Variants in GRIA2 observed in about 807,000 individuals in gnomAD.
GRIA2 encodes glutamate receptor 2.
A neutral mutation model predicts 97.3 loss-of-function variants in GRIA2; 14 were observed. The ratio of observed to expected loss-of-function variants is 0.14; its 90% confidence interval spans 0.10 to 0.23. The LOEUF (loss-of-function observed/expected upper bound fraction) is 0.23. GRIA2 is among the 10% of genes least tolerant of loss of function. The pLI, the probability that GRIA2 is intolerant of heterozygous loss-of-function variation, is 1.00. For synonymous variants in GRIA2, 412 were observed against 387.8 expected (o/e 1.06, Z -0.73); for missense variants, 558 against 1,069.8 (o/e 0.52, Z 6.67).
chr4:157,304,866 T>C (rs1579348132), intron 3 of GRIA2, among the ~76,000 whole-genome samples: 1 of 152,130 alleles, frequency 6.6e-6, no homozygotes. Context: ...GAGTCAGGAG[T>C]GCAGGAGCTA....
intron 2 of GRIA2, among the ~76,000 whole-genome samples, chr4:157,266,397 A>T (rs527768544): frequency 5.3e-5 from 8 of 152,246 alleles, no homozygotes; most frequent in African/African-American, 1.9e-4. Flanking sequence ...GTGAAAATCA[A>T]AGGTAACTGA....
At chr4:157,222,927 C>T (rs1729571712) in intron 2 of GRIA2, among the ~76,000 whole-genome samples, 1 of 152,210 alleles carries the variant, frequency 6.6e-6, no homozygotes, top group African/African-American at 2.4e-5. Context: ...TGCCCTCTTC[C>T]CAGCAGCTGC....
At chr4:157,226,340 AT>A (rs1173894850) in intron 2 of GRIA2, among the ~76,000 whole-genome samples, 2 of 152,118 alleles carry the variant, frequency 1.3e-5, no homozygotes, top group African/African-American at 2.4e-5. Flanking sequence ...ATTGAAAAAA[AT>A]AAATGACATC....
Position 157,256,443 on chromosome 4 carries a change from C to G in GRIA2, c.229+34636C>G, listed in dbSNP as rs1384754139. The stretch of plus-strand genomic sequence containing the variant: ...AGATTCCAATCTTATCCTTACCACA[C>G]ACATAACTTGAATAAGCTCATTAAA... On this transcript the variant is annotated intron_variant, in intron 2 of 15. Coordinates refer to ENST00000264426, the MANE Select transcript of GRIA2 (RefSeq NM_001083619.3). Among the ~76,000 whole-genome samples, 3 of 150,522 alleles carry G rather than the reference C, an allele frequency of 2.0e-5. No individual in the cohort carries two copies. The Admixed American group carries it at 2.0e-4, about 10-fold the overall frequency.
intron 11 of GRIA2, among the ~76,000 whole-genome samples, chr4:157,339,251 T>TA (rs902411771): frequency 1.3e-5 from 2 of 151,982 alleles, no homozygotes; most frequent in Admixed American, 6.6e-5. Context: ...ATATATCATT[T>TA]AAAAAATGAT....
At chr4:157,266,420 A>C (rs1033968593) in intron 2 of GRIA2, among the ~76,000 whole-genome samples, 2 of 152,092 alleles carry the variant, frequency 1.3e-5, no homozygotes, top group Non-Finnish European at 2.9e-5. Context: ...AAGAGCATCC[A>C]GGAAAGTAGG....
At chr4:157,309,498 C>G (rs957759093) in intron 3 of GRIA2, among the ~76,000 whole-genome samples, 4 of 151,942 alleles carry the variant, frequency 2.6e-5, no homozygotes, top group South Asian at 2.1e-4. Flanking sequence ...ATTACAGGCG[C>G]CTGCCACCAG....
intron 11 of GRIA2, among the ~76,000 whole-genome samples, chr4:157,338,578 TG>T (rs780933732): frequency 2.0e-5 from 3 of 152,062 alleles, no homozygotes; most frequent in Non-Finnish European, 4.4e-5. Flanking sequence ...TAAATTAAGA[TG>T]TTTTTTCTGT....
At chr4:157,314,110 A>G (rs1188566869) in intron 4 of GRIA2, among the ~76,000 whole-genome samples, 1 of 152,132 alleles carries the variant, frequency 6.6e-6, no homozygotes, top group Non-Finnish European at 1.5e-5. Context: ...AAATCCATGT[A>G]TAAGTGGATT....
chr4:157,232,946 A>G (rs1217174230), intron 2 of GRIA2, among the ~76,000 whole-genome samples: 1 of 152,140 alleles, frequency 6.6e-6, no homozygotes, highest in Non-Finnish European at 1.5e-5. Context: ...ACATTATAGG[A>G]TTGTTTGCAA....
At chr4:157,297,562 G>C (rs1733405542) in intron 2 of GRIA2, among the ~76,000 whole-genome samples, 1 of 152,120 alleles carries the variant, frequency 6.6e-6, no homozygotes, top group Non-Finnish European at 1.5e-5. Flanking sequence ...AGACAGACTA[G>C]TAGAGTAACT....
chr4:157,295,746 T>A (rs1733318738), intron 2 of GRIA2, among the ~76,000 whole-genome samples: 1 of 152,150 alleles, frequency 6.6e-6, no homozygotes, highest in Admixed American at 6.5e-5. Flanking sequence ...TGTATTTACC[T>A]ACATTTTGTG....
chr4:157,265,841 A>G (rs558646118), intron 2 of GRIA2, among the ~76,000 whole-genome samples: 19 of 152,262 alleles, frequency 1.2e-4, no homozygotes, highest in African/African-American at 4.6e-4. Context: ...AGTTTTAAGC[A>G]GCATATTTAA....
At chr4:157,348,618 T>G (rs768413610) in intron 12 of GRIA2, among the ~76,000 whole-genome samples, 15 of 152,188 alleles carry the variant, frequency 9.9e-5, no homozygotes, top group Non-Finnish European at 1.6e-4. Context: ...CAAAATATGC[T>G]ATTTCATCGT....
chr4:157,276,952 G>A (rs1319451201), intron 2 of GRIA2, among the ~76,000 whole-genome samples: 1 of 151,878 alleles, frequency 6.6e-6, no homozygotes, highest in Non-Finnish European at 1.5e-5. Context: ...ACCAGGCCCA[G>A]ATAAGTTTAC....
chr4:157,325,140 G>A (rs1477312656), intron 6 of GRIA2, among the ~76,000 whole-genome samples: 4 of 152,110 alleles, frequency 2.6e-5, no homozygotes, highest in African/African-American at 7.2e-5. Context: ...ATAAATAAAT[G>A]ATTGTTCAAC....
In GRIA2 at chr4:157,291,955, G is replaced by T. The variant is rs372750524; in HGVS notation, c.230-11597G>T. Reference sequence around the variant, plus strand: ...AATCATCTGACAGTAATATAAGAAAGATATAAAATATCTAGGGATAAATCT... The same window carrying T: ...AATCATCTGACAGTAATATAAGAAATATATAAAATATCTAGGGATAAATCT... On this transcript the variant is annotated intron_variant, in intron 2 of 15. Coordinates refer to ENST00000264426, the MANE Select transcript of GRIA2 (RefSeq NM_001083619.3). Among the ~76,000 whole-genome samples the T allele has an allele frequency of 2.6e-5, 4 of 151,902 alleles. No homozygotes were observed. The East Asian group carries it at 5.8e-4, about 22-fold the overall frequency.
chr4:157,281,370 G>T (rs886321196), intron 2 of GRIA2, among the ~76,000 whole-genome samples: 3 of 151,962 alleles, frequency 2.0e-5, no homozygotes, highest in African/African-American at 7.3e-5. Flanking sequence ...GTAAGAGCTG[G>T]TCCATATTTT....
At chr4:157,257,971 G>A (rs1165566842) in intron 2 of GRIA2, among the ~76,000 whole-genome samples, 1 of 152,020 alleles carries the variant, frequency 6.6e-6, no homozygotes, top group African/African-American at 2.4e-5. Context: ...TGAAAATTGT[G>A]AAGATTTCAT....
Sources: allele counts gnomAD v4.1 joint callset (sites outside exome capture counted in the v4.1 genomes callset), GRCh38; gene constraint gnomAD v4.1.1; transcripts MANE v1.5; gene names NCBI Gene and HGNC (gene_info 2026-07-23, HGNC 2026-07-21).